The following PTGR1 variants were observed in gnomAD, a reference collection of about 807,000 sequenced individuals.
The protein encoded by PTGR1 is 15-oxoprostaglandin 13-reductase.
In PTGR1, 23 loss-of-function variants were observed where a neutral mutation model predicts 37.7. That is an observed-to-expected ratio of 0.61 (90% CI 0.44 to 0.86). The LOEUF is 0.86. Ranked by LOEUF, PTGR1 falls within the 40% of genes least tolerant of loss-of-function variation. PTGR1 has a pLI of 0.00. For synonymous variants in PTGR1, 134 were observed against 140.0 expected (o/e 0.96, Z 0.30); for missense variants, 351 against 394.3 (o/e 0.89, Z 0.93).
chr9:111,595,801 T>C (rs954170331), intron 2 of PTGR1, among the ~76,000 whole-genome samples: 4 of 151,922 alleles, frequency 2.6e-5, no homozygotes, highest in Non-Finnish European at 5.9e-5. Flanking sequence ...ACCCAGCTAA[T>C]TTTTTGTATT....
intron 4 of PTGR1, among the ~76,000 whole-genome samples, chr9:111,587,618 A>G (rs900445305): frequency 6.6e-6 from 1 of 151,874 alleles, no homozygotes; most frequent in African/African-American, 2.4e-5. Flanking sequence ...CGCCCAGCTA[A>G]TTTTTGTATT....
intron 9 of PTGR1, among the ~76,000 whole-genome samples, chr9:111,567,888 A>G (rs1828637278): frequency 2.0e-5 from 3 of 152,326 alleles, no homozygotes; most frequent in South Asian, 4.1e-4. Flanking sequence ...TCATTTTAAT[A>G]TGGACATTTA....
chr9:111,584,344 T>C (rs557565241), intron 5 of PTGR1, among the ~76,000 whole-genome samples: 14 of 152,238 alleles, frequency 9.2e-5, no homozygotes, highest in African/African-American at 3.4e-4. Flanking sequence ...CAGAGGAGAA[T>C]AGAGAGGAAG....
At chr9:111,585,346 C>T (rs1829398702) in intron 5 of PTGR1, among the ~76,000 whole-genome samples, 1 of 152,136 alleles carries the variant, frequency 6.6e-6, no homozygotes, top group Non-Finnish European at 1.5e-5. Flanking sequence ...CCTCTCCTAC[C>T]CCACACCTGG....
intron 9 of PTGR1, among the ~76,000 whole-genome samples, chr9:111,567,487 A>G (rs1414279712): frequency 6.6e-6 from 1 of 152,158 alleles, no homozygotes; most frequent in African/African-American, 2.4e-5. Flanking sequence ...GCCAGTCCAG[A>G]CGGCACTTTT....
chr9:111,567,519 G>T (rs575456270), intron 9 of PTGR1, among the ~76,000 whole-genome samples: 2 of 152,164 alleles, frequency 1.3e-5, no homozygotes, highest in Non-Finnish European at 2.9e-5. Context: ...TGCAGGACGT[G>T]AGAGAATTCA....
At chr9:111,597,495 C>T in intron 1 of PTGR1, 63 bp from the exon 2 acceptor site, 3 of 1,017,222 alleles carry the variant, frequency 2.9e-6, no homozygotes, top group Admixed American at 4.4e-5. Context: ...AGTTCTCTAG[C>T]CGTCAAACTG....
At chr9:111,597,200 T>C (rs1274410807) in intron 2 of PTGR1, 117 bp downstream of exon 2, 2 of 776,404 alleles carry the variant, frequency 2.6e-6, no homozygotes, top group Admixed American at 4.9e-5. Flanking sequence ...CCCAAAGAAT[T>C]GTGAACTAAT....
chr9:111,578,673 G>T, intron 7 of PTGR1, 123 bp downstream of exon 7: 1 of 811,536 alleles, frequency 1.2e-6, no homozygotes, highest in Non-Finnish European at 1.8e-6. Context: ...CTCACCTCCT[G>T]CTGTGCATCC....
At chr9:111,568,959 G>A (rs1828693273) in intron 9 of PTGR1, among the ~76,000 whole-genome samples, 1 of 152,156 alleles carries the variant, frequency 6.6e-6, no homozygotes, top group South Asian at 2.1e-4. Context: ...GATTAGACAT[G>A]GGTACGACAG....
chr9:111,550,457 G>A (rs544169577), intron 9 of PTGR1, among the ~76,000 whole-genome samples: 37 of 152,332 alleles, frequency 2.4e-4, no homozygotes, highest in African/African-American at 8.9e-4. Flanking sequence ...ACAGCTGCCT[G>A]CCATGGAGTG....
intron 9 of PTGR1, among the ~76,000 whole-genome samples, chr9:111,555,788 C>T (rs1008047034): frequency 4.6e-5 from 7 of 152,210 alleles, no homozygotes; most frequent in African/African-American, 9.6e-5. Flanking sequence ...CACCAGGTCC[C>T]TCCTGCAGCA....
chr9:111,586,170 A>C lies in PTGR1; in HGVS notation c.210-5T>G. 1 of 1,613,538 alleles carries C rather than the reference A, an allele frequency of 6.2e-7. No individual in the cohort carries two copies. The highest frequency in any genetic ancestry group is 8.5e-7 in the Non-Finnish European group (1 of 1,179,560). On this transcript the variant is annotated splice_polypyrimidine_tract_variant and splice_region_variant and intron_variant, in intron 4 of 9. Coordinates refer to ENST00000407693, the MANE Select transcript of PTGR1 (RefSeq NM_001146108.2). ...ACATTTTTACTTTCCACAACTCTGA[A>C]AGATAAAGCACATTAAGGCATTAAG...
At chr9:111,564,549 G>A (rs1041071097) in intron 9 of PTGR1, among the ~76,000 whole-genome samples, 5 of 151,544 alleles carry the variant, frequency 3.3e-5, no homozygotes, top group South Asian at 2.1e-4. Context: ...CAAGTGATCC[G>A]CCCACCTCAG....
At chr9:111,593,069 G>C (rs1829672699) in intron 3 of PTGR1, 87 bp from the exon 4 acceptor site, 1 of 1,470,130 alleles carries the variant, frequency 6.8e-7, no homozygotes, top group East Asian at 2.6e-5. Context: ...TCGGGGGACT[G>C]TTTTGAGTTT....
At chr9:111,584,913 G>A (rs761102182) in intron 5 of PTGR1, among the ~76,000 whole-genome samples, 20 of 152,278 alleles carry the variant, frequency 1.3e-4, no homozygotes, top group Non-Finnish European at 2.8e-4. Flanking sequence ...AGGGCTTGAG[G>A]TAGAAATGAA....
chr9:111,597,510 C>A, intron 1 of PTGR1, 78 bp from the exon 2 acceptor site: 1 of 803,980 alleles, frequency 1.2e-6, no homozygotes, highest in Non-Finnish European at 2.0e-6. Context: ...AAACTGAGAC[C>A]AGACAGCACA....
At chr9:111,551,854 A>G (rs934032455) in intron 9 of PTGR1, among the ~76,000 whole-genome samples, 6 of 152,244 alleles carry the variant, frequency 3.9e-5, no homozygotes, top group Non-Finnish European at 5.9e-5. Flanking sequence ...TTGATGAAGC[A>G]GTGCATAAAT....
intron 1 of PTGR1, 71 bp from the exon 2 acceptor site, chr9:111,597,503 C>A: frequency 1.1e-6 from 1 of 901,922 alleles, no homozygotes; most frequent in Non-Finnish European, 1.8e-6. Flanking sequence ...AGCCGTCAAA[C>A]TGAGACCAGA....
Sources: allele counts gnomAD v4.1 joint callset (sites outside exome capture counted in the v4.1 genomes callset), GRCh38; gene constraint gnomAD v4.1.1; transcripts MANE v1.5; gene names NCBI Gene and HGNC (gene_info 2026-07-23, HGNC 2026-07-21).